PAPOLG: variants seen among roughly 807,000 people sequenced by gnomAD.
PAPOLG encodes the protein PAP-gamma.
PAPOLG carries 40 observed loss-of-function variants against 99.0 expected under a neutral mutation model. That is an observed-to-expected ratio of 0.40 (90% confidence interval 0.31 to 0.53). The LOEUF (loss-of-function observed/expected upper bound fraction) is 0.53. PAPOLG is among the 20% of genes least tolerant of loss of function. The pLI, the probability that PAPOLG is intolerant of heterozygous loss-of-function variation, is 0.41. For synonymous variants in PAPOLG, 310 were observed against 299.3 expected (o/e 1.04, Z -0.37); for missense variants, 675 against 884.1 (o/e 0.76, Z 3.00).
At chr2:60,775,210 CTAATG>C in intron 8 of PAPOLG, 87 bp downstream of exon 8, 2 of 1,422,136 alleles carry the variant, frequency 1.4e-6, no homozygotes, top group Non-Finnish European at 1.9e-6. Flanking sequence ...AACTCTGAAC[CTAATG>C]ATATTGTTGG....
chr2:60,762,291 CAT>C, intron 3 of PAPOLG, among the ~76,000 whole-genome samples: 1 of 152,124 alleles, frequency 6.6e-6, no homozygotes, highest in East Asian at 1.9e-4. Flanking sequence ...GTTCCTAAGA[CAT>C]AGGAATTTGC....
chr2:60,771,896 CTTTTG>C (rs1313260270), intron 7 of PAPOLG, among the ~76,000 whole-genome samples: 2 of 152,012 alleles, frequency 1.3e-5, no homozygotes, highest in African/African-American at 4.8e-5. Context: ...CCCCAAAAAG[CTTTTG>C]TTTATGTGGG....
chr2:60,779,516 A>G (rs999432714), intron 8 of PAPOLG, 121 bp from the exon 9 acceptor site: 3 of 1,159,164 alleles, frequency 2.6e-6, no homozygotes, highest in East Asian at 2.6e-5. Context: ...CAACCGTCTT[A>G]TGAATAAAGT....
At chr2:60,767,064 G>C (rs1310495252) in intron 3 of PAPOLG, among the ~76,000 whole-genome samples, 1 of 152,182 alleles carries the variant, frequency 6.6e-6, no homozygotes, top group East Asian at 1.9e-4. Flanking sequence ...AAATAGCCTA[G>C]AATTAGGGGA....
At chr2:60,764,058 C>T (rs563773366) in intron 3 of PAPOLG, among the ~76,000 whole-genome samples, 1 of 152,312 alleles carries the variant, frequency 6.6e-6, no homozygotes, top group East Asian at 1.9e-4. Flanking sequence ...TCTCTTCGGC[C>T]TCCCAGAGTG....
At chr2:60,778,579 T>C (rs1214872922) in intron 8 of PAPOLG, among the ~76,000 whole-genome samples, 4 of 152,282 alleles carry the variant, frequency 2.6e-5, no homozygotes, top group African/African-American at 9.6e-5. Context: ...AACCATTGAA[T>C]TGTGTACTTT....
At chr2:60,783,727 T>C (rs1671272343) in intron 13 of PAPOLG, among the ~76,000 whole-genome samples, 1 of 152,064 alleles carries the variant, frequency 6.6e-6, no homozygotes, top group East Asian at 1.9e-4. Flanking sequence ...TTGGCCAGGC[T>C]GGTCTCGAAC....
At position 60,797,124 on chromosome 2, in the gene PAPOLG, C is replaced by T; in HGVS notation, c.2175C>T (p.Val725=). 1.2e-6 allele frequency: 2 copies of T among 1,614,072 alleles called. No individual in the cohort carries two copies. The highest frequency in any genetic ancestry group is 1.7e-6 in the Non-Finnish European group (2 of 1,179,940). The change falls in exon 22 of 22, where the codon GTC becomes GTT. Residue 725 remains valine (V), a synonymous_variant. Coordinates refer to ENST00000238714, the MANE Select transcript of PAPOLG (RefSeq NM_022894.4). ...CAGTTCCAGCAAACAACATCCGTGT[C>T]ATCAAAAATTCCATTCGACTGACCC... ...SSPVPANNIR[V]IKNSIRLTLN... is the part of the protein sequence containing the mutation.
intron 1 of PAPOLG, among the ~76,000 whole-genome samples, chr2:60,758,256 T>TA (rs1670409353): frequency 6.6e-6 from 1 of 150,856 alleles, no homozygotes; most frequent in Admixed American, 6.6e-5. Context: ...TTGAAATAAC[T>TA]AATTGAAGTT....
At chr2:60,783,339 T>TG in intron 13 of PAPOLG, 130 bp downstream of exon 13, 1 of 489,458 alleles carries the variant, frequency 2.0e-6, no homozygotes, top group Non-Finnish European at 3.3e-6. Context: ...TTTTTTTTTT[T>TG]TTTTTGAGAC....
intron 7 of PAPOLG, among the ~76,000 whole-genome samples, chr2:60,772,585 TTAAAAA>T (rs1244070674): frequency 2.6e-5 from 4 of 151,882 alleles, no homozygotes; most frequent in Non-Finnish European, 4.4e-5. Context: ...CCCATCTCTA[TTAAAAA>T]TAAAAAACTA....
At chr2:60,786,450 C>T (rs540268855) in intron 13 of PAPOLG, among the ~76,000 whole-genome samples, 14 of 151,996 alleles carry the variant, frequency 9.2e-5, no homozygotes, top group Non-Finnish European at 1.8e-4. Flanking sequence ...AGGCTGGTCT[C>T]GAACTCCTGA....
intron 1 of PAPOLG, among the ~76,000 whole-genome samples, chr2:60,759,541 G>A (rs1014167090): frequency 6.6e-6 from 1 of 152,118 alleles, no homozygotes; most frequent in Non-Finnish European, 1.5e-5. Flanking sequence ...CTAAAATGAA[G>A]AGAATAATTA....
chr2:60,758,106 T>C (rs1670403902), intron 1 of PAPOLG, among the ~76,000 whole-genome samples: 1 of 152,236 alleles, frequency 6.6e-6, no homozygotes, highest in Non-Finnish European at 1.5e-5. Flanking sequence ...GATTGAGTGA[T>C]ACTATATAGA....
At chr2:60,785,264 A>C (rs983460890) in intron 13 of PAPOLG, among the ~76,000 whole-genome samples, 1 of 152,022 alleles carries the variant, frequency 6.6e-6, no homozygotes, top group Admixed American at 6.6e-5. Flanking sequence ...TCAGCCTGGC[A>C]AGCAGCTGGG....
At chr2:60,792,353 AC>A in intron 17 of PAPOLG, 64 bp downstream of exon 17, 1 of 1,383,988 alleles carries the variant, frequency 7.2e-7, no homozygotes, top group Non-Finnish European at 1.0e-6. Context: ...GATAATGTGA[AC>A]TTTTCTATAC....
Position 60,791,865 on chromosome 2 carries a change from C to A in PAPOLG, c.1501C>A (p.Leu501Ile). The change falls in exon 16 of 22, where the codon CTT (leucine) becomes ATT (isoleucine). Residue 501 changes from leucine to isoleucine, a missense_variant. By Grantham distance (5) the Leu-to-Ile change is conservative. Around this residue, in one of 3 missense-constraint regions of PAPOLG, gnomAD observed 413 missense variants for 460.5 expected, o/e 0.90. Coordinates refer to ENST00000238714, the MANE Select transcript of PAPOLG (RefSeq NM_022894.4). Reference protein sequence around the residue: ...QLHHYLPAEILQKKKKQSLSD... With the variant: ...QLHHYLPAEIIQKKKKQSLSD... ...TCACCACTACCTTCCTGCAGAAATT[C>A]TTCAAAAGAAGAAAAAGGTGAGTTT... 6.2e-7 allele frequency: 1 copy of A among 1,611,704 alleles called. No homozygotes were observed. The highest frequency in any genetic ancestry group is 1.3e-5 in the African/African-American group (1 of 74,642).
At position 60,782,089 on chromosome 2, in the gene PAPOLG, G is replaced by C. The variant is rs1007011374; in HGVS notation, c.1027+84G>C. Reference sequence around the variant, plus strand: ...TATTCTCTGTTGCAGCTATGGATTGGCAGTTAGAGTTATACCTATTCTTTC... The same window carrying C: ...TATTCTCTGTTGCAGCTATGGATTGCCAGTTAGAGTTATACCTATTCTTTC... On this transcript the variant is annotated intron_variant, in intron 11 of 21. Coordinates refer to ENST00000238714, the MANE Select transcript of PAPOLG (RefSeq NM_022894.4). 5 of 1,388,218 alleles carry C rather than the reference G, an allele frequency of 3.6e-6. No individual in the cohort carries two copies. The Admixed American group carries it at 6.9e-5, about 19-fold the overall frequency. The allele number at this position is 1,388,218 out of a possible 1,614,324, so 86.0% of individuals were successfully genotyped here.
intron 15 of PAPOLG, 73 bp from the exon 16 acceptor site, chr2:60,791,688 C>A: frequency 6.5e-7 from 1 of 1,528,380 alleles, no homozygotes; most frequent in Non-Finnish European, 8.8e-7. Flanking sequence ...AAAGTATATG[C>A]ATTTCAGAAA....
Sources: allele counts gnomAD v4.1 joint callset (sites outside exome capture counted in the v4.1 genomes callset), GRCh38; gene constraint gnomAD v4.1.1; regional missense constraint gnomAD v4.1.1; transcripts MANE v1.5; gene names NCBI Gene and HGNC (gene_info 2026-07-23, HGNC 2026-07-21).